The following PHACTR3 variants were observed in gnomAD, a reference collection of about 807,000 sequenced individuals.
The protein encoded by PHACTR3 is protein phosphatase 1, regulatory subunit 123.
In PHACTR3, 16 loss-of-function variants were observed where a neutral mutation model predicts 66.8. The ratio of observed to expected loss-of-function variants is 0.24; its 90% CI spans 0.16 to 0.36. The LOEUF (loss-of-function observed/expected upper bound fraction) is 0.36, where lower values mean the gene tolerates loss of function less well. PHACTR3 is among the 10% of genes least tolerant of loss of function. The pLI is 1.00. For synonymous variants in PHACTR3, 323 were observed against 292.1 expected, an observed-to-expected ratio of 1.11 and a Z score of -1.08; for missense variants, 647 against 719.9, an observed-to-expected ratio of 0.90 and a Z score of 1.16.
At chr20:59,595,626 C>T (rs565352297) in intron 1 of PHACTR3, among the ~76,000 whole-genome samples, 1 of 152,250 alleles carries the variant, frequency 6.6e-6, no homozygotes, top group Admixed American at 6.5e-5. Context: ...TTGAGTTCAA[C>T]TCTGTCGTTA....
intron 1 of PHACTR3, among the ~76,000 whole-genome samples, chr20:59,686,734 G>A (rs539316696): frequency 0.03 from 4,150 of 137,944 alleles, 122 homozygotes; most frequent in Middle Eastern, 0.07. Context: ...TATGATGATG[G>A]TGGTGATGAT....
chr20:59,713,699 T>C (rs895653645), intron 1 of PHACTR3, among the ~76,000 whole-genome samples: 7 of 152,232 alleles, frequency 4.6e-5, no homozygotes, highest in Non-Finnish European at 1.0e-4. Flanking sequence ...TTGGCTGTTA[T>C]GAGTGATACC....
intron 1 of PHACTR3, among the ~76,000 whole-genome samples, chr20:59,617,888 G>A (rs1256960904): frequency 4.6e-5 from 7 of 152,170 alleles, no homozygotes; most frequent in African/African-American, 9.7e-5. Context: ...GGGGAATAGC[G>A]CAGCAAACCG....
chr20:59,837,426 T>G (rs529806695), intron 9 of PHACTR3, among the ~76,000 whole-genome samples: 3 of 152,334 alleles, frequency 2.0e-5, no homozygotes, highest in African/African-American at 7.2e-5. Flanking sequence ...CTTGTTGGTC[T>G]GGGTACTGAA....
Position 59,745,546 on chromosome 20 carries a change from AT to A in PHACTR3, c.281-2208del, listed in dbSNP as rs1317455375. 5.9e-5 allele frequency among the ~76,000 whole-genome samples: 9 copies of A among 152,284 alleles called. No individual in the cohort carries two copies. The South Asian group carries it at 1.2e-3, about 21-fold the overall frequency. On this transcript the variant is annotated intron_variant, in intron 2 of 12. Transcript: ENST00000371015. ...TTTTGTTTACTTATTCCAAACCACT[AT>A]TTTCCTTTAAAGCAGGGGGTGTTAT...
chr20:59,724,536 C>T (rs1425890876), intron 1 of PHACTR3, among the ~76,000 whole-genome samples: 3 of 152,194 alleles, frequency 2.0e-5, no homozygotes, highest in African/African-American at 7.2e-5. Flanking sequence ...ATACTCTGGT[C>T]TGGGCACCCT....
At chr20:59,705,682 A>G (rs1242410539) in intron 1 of PHACTR3, among the ~76,000 whole-genome samples, 1 of 152,166 alleles carries the variant, frequency 6.6e-6, no homozygotes, top group African/African-American at 2.4e-5. Flanking sequence ...CTCATAGTGC[A>G]CCTGAGCCGA....
chr20:59,723,064 TTC>T (rs1467191786), intron 1 of PHACTR3, among the ~76,000 whole-genome samples: 1 of 44,642 alleles, frequency 2.2e-5, no homozygotes, highest in Non-Finnish European at 4.6e-5. Flanking sequence ...TTCTTTCTCT[TTC>T]TTTCTTTCTT....
intron 4 of PHACTR3, among the ~76,000 whole-genome samples, chr20:59,765,015 A>G (rs572449415): frequency 6.6e-6 from 1 of 152,328 alleles, no homozygotes; most frequent in Admixed American, 6.5e-5. Flanking sequence ...GCTGATTTAC[A>G]CAAGACAGAA....
At chr20:59,783,592 A>T (rs1031281199) in intron 7 of PHACTR3, among the ~76,000 whole-genome samples, 1 of 152,228 alleles carries the variant, frequency 6.6e-6, no homozygotes, top group Non-Finnish European at 1.5e-5. Context: ...GTAGAGGAAA[A>T]TGAGGCAAAG....
At chr20:59,708,978 G>C (rs1284921651) in intron 1 of PHACTR3, among the ~76,000 whole-genome samples, 1 of 152,126 alleles carries the variant, frequency 6.6e-6, no homozygotes, top group African/African-American at 2.4e-5. Context: ...GTCTTCATTG[G>C]CCTTCTTCAT....
chr20:59,579,823 T>TG (rs2032811041), intron 1 of PHACTR3, among the ~76,000 whole-genome samples: 1 of 152,136 alleles, frequency 6.6e-6, no homozygotes, highest in South Asian at 2.1e-4. Flanking sequence ...AAATCCAGGA[T>TG]GCCCTGTAGG....
intron 7 of PHACTR3, among the ~76,000 whole-genome samples, chr20:59,798,335 C>T (rs151253614): frequency 5.1e-4 from 77 of 152,312 alleles, no homozygotes; most frequent in Non-Finnish European, 9.4e-4. Flanking sequence ...AACACTATTA[C>T]ATTGGAGATT....
At chr20:59,658,324 A>G (rs1050140208) in intron 1 of PHACTR3, among the ~76,000 whole-genome samples, 1 of 151,132 alleles carries the variant, frequency 6.6e-6, no homozygotes, top group Non-Finnish European at 1.5e-5. Context: ...GCTTCTTTTG[A>G]ATGCTTTTTT....
chr20:59,769,174 A>G (rs1237077038), intron 5 of PHACTR3, among the ~76,000 whole-genome samples: 2 of 152,196 alleles, frequency 1.3e-5, no homozygotes, highest in Non-Finnish European at 2.9e-5. Flanking sequence ...CCTTGACCTC[A>G]TAGCACCATG....
chr20:59,795,882 G>A (rs1007033675), intron 7 of PHACTR3, among the ~76,000 whole-genome samples: 5 of 151,978 alleles, frequency 3.3e-5, no homozygotes, highest in Non-Finnish European at 5.9e-5. Flanking sequence ...ATCTCTTATA[G>A]GCAGCATACA....
chr20:59,746,483 T>C (rs1023027925), intron 2 of PHACTR3, among the ~76,000 whole-genome samples: 1 of 152,234 alleles, frequency 6.6e-6, no homozygotes, highest in Non-Finnish European at 1.5e-5. Context: ...ATTGAACACC[T>C]GATCACCATG....
intron 1 of PHACTR3, among the ~76,000 whole-genome samples, chr20:59,584,868 C>G (rs1465321665): frequency 6.6e-6 from 1 of 152,194 alleles, no homozygotes; most frequent in Non-Finnish European, 1.5e-5. Flanking sequence ...TTGTCCAAAT[C>G]TCTTCTTCAT....
Position 59,842,463 on chromosome 20 carries a change from G to A in PHACTR3, c.1587+928G>A, listed in dbSNP as rs186469677. On this transcript the variant is annotated intron_variant, in intron 11 of 12. Coordinates refer to ENST00000371015, the MANE Select transcript of PHACTR3 (RefSeq NM_080672.5). ...TGTGCCCAGAGGATCACAGTGATGC[G>A]AGGAGAAGTATCTTTGGTGGTCTGC... is the stretch of plus-strand genomic sequence containing the variant. Among the ~76,000 whole-genome samples the A allele has an allele frequency of 8.5e-5, 13 of 152,266 alleles. No individual in the cohort carries two copies. In the East Asian group the frequency reaches 1.5e-3, roughly 18 times the overall value.
Sources: allele counts gnomAD v4.1 joint callset (sites outside exome capture counted in the v4.1 genomes callset), GRCh38; gene constraint gnomAD v4.1.1; transcripts MANE v1.5; gene names NCBI Gene and HGNC (gene_info 2026-07-23, HGNC 2026-07-21).